Variants in UNC5C observed in about 807,000 individuals in gnomAD.
UNC5C encodes the protein unc-5 netrin receptor C.
A neutral mutation model predicts 99.8 loss-of-function variants in UNC5C; 47 were observed. The observed-to-expected ratio is 0.47, with a 90% CI of 0.37 to 0.60. UNC5C has a LOEUF of 0.60. UNC5C is among the 20% of genes least tolerant of loss of function. The pLI, the probability that UNC5C is intolerant of heterozygous loss-of-function variation, is 0.00. For missense variants in UNC5C, 1,062 were observed against 1,165.9 expected (o/e 0.91, Z 1.30); for synonymous variants, 487 against 452.2 (o/e 1.08, Z -0.98).
chr4:95,224,165 C>A (rs1738583094), intron 7 of UNC5C, among the ~76,000 whole-genome samples: 1 of 152,208 alleles, frequency 6.6e-6, no homozygotes, highest in African/African-American at 2.4e-5. Context: ...TGCCTGTGAT[C>A]CCGGCTACTC....
At chr4:95,301,257 A>G (rs1741863422) in intron 3 of UNC5C, among the ~76,000 whole-genome samples, 2 of 138,882 alleles carry the variant, frequency 1.4e-5, no homozygotes, top group South Asian at 2.2e-4. Flanking sequence ...GTGCAGTGGC[A>G]TAATCTCGGC....
intron 4 of UNC5C, among the ~76,000 whole-genome samples, chr4:95,261,063 C>A (rs943242832): frequency 6.6e-6 from 1 of 152,102 alleles, no homozygotes; most frequent in South Asian, 2.1e-4. Flanking sequence ...TCTTTTCTGT[C>A]CATAAAACCA....
chr4:95,222,319 G>T, intron 7 of UNC5C: 1 of 1,134,818 alleles, frequency 8.8e-7, no homozygotes, highest in Non-Finnish European at 1.2e-6. Context: ...AAATTAATGA[G>T]GGAAAGAAAA....
intron 1 of UNC5C, among the ~76,000 whole-genome samples, chr4:95,475,177 C>T (rs1347119538): frequency 6.6e-6 from 1 of 151,934 alleles, no homozygotes; most frequent in African/African-American, 2.4e-5. Flanking sequence ...AAGGGATAAT[C>T]TAGTCTTAAA....
intron 5 of UNC5C, among the ~76,000 whole-genome samples, chr4:95,245,922 T>C (rs955855606): frequency 6.6e-6 from 1 of 152,240 alleles, no homozygotes; most frequent in African/African-American, 2.4e-5. Context: ...AAACAATTTC[T>C]AACAAAATTA....
At chr4:95,520,224 T>A (rs1443655299) in intron 1 of UNC5C, among the ~76,000 whole-genome samples, 2 of 152,234 alleles carry the variant, frequency 1.3e-5, no homozygotes, top group Non-Finnish European at 2.9e-5. Context: ...AATATATTTG[T>A]AAGTATATTG....
chr4:95,328,328 C>T (rs7376921), intron 2 of UNC5C, among the ~76,000 whole-genome samples: 37,381 of 68,710 alleles, frequency 0.54, 11,376 homozygotes, highest in East Asian at 1. Flanking sequence ...TGGTTTTTTG[C>T]TCTTGCGATA....
intron 1 of UNC5C, among the ~76,000 whole-genome samples, chr4:95,361,980 TA>T (rs747137074): frequency 4.0e-5 from 6 of 151,702 alleles, no homozygotes; most frequent in Non-Finnish European, 7.4e-5. Flanking sequence ...TATATATATA[TA>T]TCTTACTTCT....
At chr4:95,246,795 C>G (rs1053090857) in intron 5 of UNC5C, among the ~76,000 whole-genome samples, 4 of 151,990 alleles carry the variant, frequency 2.6e-5, no homozygotes, top group Non-Finnish European at 5.9e-5. Context: ...TGCAGTGGCT[C>G]ATGCCTATAA....
At chr4:95,382,102 T>G (rs932446516) in intron 1 of UNC5C, among the ~76,000 whole-genome samples, 3 of 152,106 alleles carry the variant, frequency 2.0e-5, no homozygotes, top group African/African-American at 7.2e-5. Flanking sequence ...CAGGTTTCAA[T>G]AAGTGTTTGT....
At chr4:95,357,440 A>AT (rs1034192911) in intron 1 of UNC5C, among the ~76,000 whole-genome samples, 4 of 151,272 alleles carry the variant, frequency 2.6e-5, no homozygotes, top group East Asian at 2.0e-4. Context: ...CTGGCCTTGC[A>AT]TTTTTTTTAT....
intron 2 of UNC5C, among the ~76,000 whole-genome samples, chr4:95,323,295 TC>T (rs1426557203): frequency 2.0e-5 from 3 of 152,158 alleles, no homozygotes; most frequent in African/African-American, 7.2e-5. Context: ...ACCCCGGATT[TC>T]ATGGAGCTTT....
At chr4:95,521,166 T>A (rs1427588951) in intron 1 of UNC5C, among the ~76,000 whole-genome samples, 2 of 151,842 alleles carry the variant, frequency 1.3e-5, no homozygotes, top group Non-Finnish European at 2.9e-5. Context: ...CCTTGGTACA[T>A]ACAGAAAGAG....
chr4:95,321,141 T>G (rs1225589621), intron 2 of UNC5C, among the ~76,000 whole-genome samples: 1 of 152,194 alleles, frequency 6.6e-6, no homozygotes, highest in Non-Finnish European at 1.5e-5. Flanking sequence ...ATTAAAAATC[T>G]TCCCCATGGG....
intron 4 of UNC5C, among the ~76,000 whole-genome samples, chr4:95,267,949 ATT>A (rs869293955): frequency 6.0e-5 from 7 of 117,552 alleles, no homozygotes; most frequent in African/African-American, 1.7e-4. Context: ...GAATTTTGTG[ATT>A]TTTTTTTTTT....
In UNC5C at chr4:95,167,411, G is replaced by A. The variant is rs759625306; in HGVS notation, c.*1823C>T. 17 of 152,114 alleles carry A rather than the reference G, an allele frequency of 1.1e-4. No individual in the cohort carries two copies. Among genetic ancestry groups the A allele is most frequent in the Non-Finnish European group, 2.5e-4 (17 of 68,026 alleles). 9.4% of individuals were successfully genotyped at this position (152,114 alleles called of 1,614,324 possible). A position where few individuals can be genotyped will look rare whatever the true frequency, so the allele number is the denominator to read the frequency against. On this transcript the variant is annotated 3_prime_UTR_variant, in exon 16 of 16. Coordinates refer to ENST00000453304, the MANE Select transcript of UNC5C (RefSeq NM_003728.4). ...GTGTTGACTAACAAACATTTTGCAG[G>A]ACAAAAGTTTTTAAAGAGCTAACTA...
At chr4:95,548,663 G>A (rs1185472977) in intron 1 of UNC5C, 71 bp downstream of exon 1, 3 of 1,550,646 alleles carry the variant, frequency 1.9e-6, no homozygotes, top group Non-Finnish European at 2.6e-6. Flanking sequence ...AAGAGAACTG[G>A]GGAGGAGGAG....
intron 1 of UNC5C, among the ~76,000 whole-genome samples, chr4:95,377,262 T>C (rs1744922700): frequency 6.6e-6 from 1 of 152,168 alleles, no homozygotes; most frequent in African/African-American, 2.4e-5. Flanking sequence ...TCAACACTGA[T>C]AAAAAGAGCT....
rs891361580 is a variant in UNC5C, at chr4:95,547,773, T to A, written c.124+961A>T. Reference sequence around the variant, plus strand: ...TCCCTTCCAGTCAGCTTTCCCGGCTTTGAAGGCTGGGAGCTGCTGCTAACA... The same window carrying A: ...TCCCTTCCAGTCAGCTTTCCCGGCTATGAAGGCTGGGAGCTGCTGCTAACA... On this transcript the variant is annotated intron_variant, in intron 1 of 15. Transcript: ENST00000453304. 2.3e-4 allele frequency among the ~76,000 whole-genome samples: 35 copies of A among 152,270 alleles called. No homozygotes were observed. The Middle Eastern group carries it at 0.01, about 44-fold the overall frequency.
Sources: allele counts gnomAD v4.1 joint callset (sites outside exome capture counted in the v4.1 genomes callset), GRCh38; gene constraint gnomAD v4.1.1; transcripts MANE v1.5; gene names NCBI Gene and HGNC (gene_info 2026-07-23, HGNC 2026-07-21).